LRRC8C: variants seen among roughly 807,000 people sequenced by gnomAD.
LRRC8C encodes the protein volume-regulated anion channel subunit LRRC8C.
A neutral mutation model predicts 55.3 loss-of-function variants in LRRC8C; 20 were observed. The ratio of observed to expected loss-of-function variants is 0.36; its 90% CI spans 0.25 to 0.53. The LOEUF (loss-of-function observed/expected upper bound fraction) is 0.53, where lower values mean the gene tolerates loss of function less well. Ranked by LOEUF, LRRC8C falls within the 20% of genes least tolerant of loss-of-function variation. LRRC8C has a pLI of 0.92. For missense variants in LRRC8C, 659 were observed against 951.4 expected (o/e 0.69, Z 4.04); for synonymous variants, 376 against 360.7 (o/e 1.04, Z -0.48).
At chr1:89,679,208 A>G (rs1657634937) in intron 1 of LRRC8C, among the ~76,000 whole-genome samples, 1 of 152,168 alleles carries the variant, frequency 6.6e-6, no homozygotes, top group Non-Finnish European at 1.5e-5. Context: ...GTGTCCTTTA[A>G]AAGCCAAGGG....
chr1:89,702,747 A>G (rs1658367576), intron 2 of LRRC8C, among the ~76,000 whole-genome samples: 1 of 152,148 alleles, frequency 6.6e-6, no homozygotes, highest in Non-Finnish European at 1.5e-5. Context: ...TGGGCAACAC[A>G]GCAAGACCCT....
At chr1:89,626,213 A>G in the LRRC8C span, 1 of 152,226 alleles carries the variant, frequency 6.6e-6, no homozygotes, top group Non-Finnish European at 1.5e-5. Context: ...CTGACAATAC[A>G]AAACTTTTTA....
rs1261235054 is a variant in LRRC8C, at chr1:89,715,421, C to A, written c.*439C>A. On this transcript the variant is annotated 3_prime_UTR_variant, in exon 3 of 3. Transcript: ENST00000370454. ...GGAATCTGTGCTAGTTATTTTAATACCAGCTGTCTTCTCCATTGGCCAAGA... is the reference window on the plus strand; with the variant it reads ...GGAATCTGTGCTAGTTATTTTAATAACAGCTGTCTTCTCCATTGGCCAAGA... 1 of 152,684 alleles carries A rather than the reference C, an allele frequency of 6.5e-6. No homozygotes were observed. The highest frequency in any genetic ancestry group is 1.5e-5 in the Non-Finnish European group (1 of 68,496). 9.5% of individuals were successfully genotyped at this position (152,684 alleles called of 1,614,324 possible). A position where few individuals can be genotyped will look rare whatever the true frequency, so the allele number is the denominator to read the frequency against.
At chr1:89,654,684 A>G (rs563940235) in intron 1 of LRRC8C, among the ~76,000 whole-genome samples, 96 of 152,284 alleles carry the variant, frequency 6.3e-4, no homozygotes, top group African/African-American at 2.2e-3. Flanking sequence ...GGCTTTTTAC[A>G]ACTATTTTCT....
Position 89,715,084 on chromosome 1 carries a change from C to T in LRRC8C, c.*102C>T, listed in dbSNP as rs1658778461. On this transcript the variant is annotated 3_prime_UTR_variant, in exon 3 of 3. Transcript: ENST00000370454. ...TTCCTATTTTTTTTTCCTTTTCACA[C>T]AAAATGTACACAAAGATCGCGTAAG... 1 of 647,766 alleles carries T rather than the reference C, an allele frequency of 1.5e-6. No individual in the cohort carries two copies. Among genetic ancestry groups the T allele is most frequent in the African/African-American group, 1.9e-5 (1 of 53,362 alleles). 40.1% of individuals were successfully genotyped at this position (647,766 alleles called of 1,614,324 possible).
rs771955175 is a variant in LRRC8C, at chr1:89,659,048, GTTTT to G, written c.-5+25737_-5+25740del. Among the ~76,000 whole-genome samples, 156 of 26,158 alleles carry G rather than the reference GTTTT, an allele frequency of 6.0e-3. 1 individual carries two copies. The highest frequency in any genetic ancestry group is 0.022 in the East Asian group (14 of 646). The allele number at this position is 26,158 out of a possible 152,430, so 17.2% of individuals were successfully genotyped here. ...AAATTTTAGGTTGTGTCTTCTCCAG[GTTTT>G]TTTTTTTTTTGTGTGTGTGTGTGTG... On this transcript the variant is annotated intron_variant, in intron 1 of 2. Coordinates refer to ENST00000370454, the MANE Select transcript of LRRC8C (RefSeq NM_032270.5).
chr1:89,648,511 A>G (rs1243884205), intron 1 of LRRC8C, among the ~76,000 whole-genome samples: 1 of 152,198 alleles, frequency 6.6e-6, no homozygotes, highest in Non-Finnish European at 1.5e-5. Flanking sequence ...TTTAATGCAC[A>G]TTGTATCAGA....
intron 1 of LRRC8C, among the ~76,000 whole-genome samples, chr1:89,651,567 CAA>C (rs1179039674): frequency 7.4e-5 from 3 of 40,734 alleles, no homozygotes; most frequent in African/African-American, 1.7e-4. Context: ...GACTCTGTCT[CAA>C]AAAAAAAAAA....
intron 2 of LRRC8C, among the ~76,000 whole-genome samples, chr1:89,707,373 C>T (rs138790374): frequency 1.5e-4 from 23 of 152,038 alleles, no homozygotes; most frequent in African/African-American, 5.3e-4. Context: ...CGCCACTGCA[C>T]TCCAGCCTGG....
rs575731626 is a variant in LRRC8C at position 89,638,642 on chromosome 1, C to CT, written c.-5+5327dup. Among the ~76,000 whole-genome samples the CT allele has an allele frequency of 3.2e-4, 48 of 152,112 alleles. No homozygotes were observed. In the East Asian group the frequency reaches 5.0e-3, roughly 16 times the overall value. On this transcript the variant is annotated intron_variant, in intron 1 of 2. Transcript: ENST00000370454. The stretch of plus-strand genomic sequence containing the variant: ...TTACACATCCTCTGGAATTAAATTA[C>CT]TTTTTTTGCAAATAAAACATACTTT...
the LRRC8C span, among the ~76,000 whole-genome samples, chr1:89,621,547 G>A: frequency 6.6e-6 from 1 of 152,156 alleles, no homozygotes; most frequent in East Asian, 1.9e-4. Context: ...AACTGGAGAG[G>A]CTGAGCTGCC....
chr1:89,659,962 T>C (rs1454663203), intron 1 of LRRC8C, among the ~76,000 whole-genome samples: 2 of 152,046 alleles, frequency 1.3e-5, no homozygotes, highest in Non-Finnish European at 2.9e-5. Context: ...AGAGAGCAAG[T>C]AGGAAAGTGT....
rs183499469 is a variant in LRRC8C at position 89,670,127 on chromosome 1, A to G, written c.-4-16343A>G. Reference sequence around the variant, plus strand: ...TTTAATTCTGTGAGTCAAAGAAAAGAAAGGTCCAGAATAGTTATTATATCA... The same window carrying G: ...TTTAATTCTGTGAGTCAAAGAAAAGGAAGGTCCAGAATAGTTATTATATCA... On this transcript the variant is annotated intron_variant, in intron 1 of 2. Transcript: ENST00000370454. Among the ~76,000 whole-genome samples the G allele has an allele frequency of 2.6e-3, 389 of 152,330 alleles. 1 individual carries two copies. Among genetic ancestry groups the G allele is most frequent in the African/African-American group, 9.0e-3 (375 of 41,566 alleles).
intron 2 of LRRC8C, among the ~76,000 whole-genome samples, chr1:89,704,750 G>A (rs368396276): frequency 1.4e-4 from 21 of 152,172 alleles, no homozygotes; most frequent in Admixed American, 3.3e-4. Context: ...TTAGAATGGC[G>A]ATCATTAAAA....
intron 1 of LRRC8C, among the ~76,000 whole-genome samples, chr1:89,664,913 T>C (rs937282006): frequency 1.3e-5 from 2 of 152,240 alleles, no homozygotes; most frequent in African/African-American, 4.8e-5. Context: ...TAATTGTGAA[T>C]GGGATTTCAC....
intron 2 of LRRC8C, among the ~76,000 whole-genome samples, chr1:89,707,151 A>C (rs1401580384): frequency 7.0e-6 from 1 of 143,586 alleles, no homozygotes; most frequent in South Asian, 2.3e-4. Flanking sequence ...TCATGCCTGT[A>C]ATCCCAGCAC....
intron 1 of LRRC8C, among the ~76,000 whole-genome samples, chr1:89,675,749 A>G (rs1557657394): frequency 1.3e-5 from 2 of 152,268 alleles, no homozygotes; most frequent in East Asian, 3.9e-4. Context: ...TCCGATTGGG[A>G]TTGGGAGGAG....
the LRRC8C span, among the ~76,000 whole-genome samples, chr1:89,625,910 T>C: frequency 6.6e-6 from 1 of 152,210 alleles, no homozygotes; most frequent in Non-Finnish European, 1.5e-5. Context: ...TAATAAAATA[T>C]GGTGTTATGA....
At chr1:89,688,258 C>T (rs978601769) in intron 2 of LRRC8C, among the ~76,000 whole-genome samples, 1 of 152,094 alleles carries the variant, frequency 6.6e-6, no homozygotes, top group Non-Finnish European at 1.5e-5. Flanking sequence ...TAAATTCATT[C>T]ATAAATGAAA....
Sources: gnomAD v4.1 joint callset for allele counts (sites outside exome capture counted in the v4.1 genomes callset) on GRCh38, gnomAD v4.1.1 for gene constraint, MANE v1.5 for transcripts, NCBI Gene and HGNC (gene_info 2026-07-23, HGNC 2026-07-21) for gene names.